Variants in WWOX observed in about 807,000 individuals in gnomAD.
WWOX encodes the protein WW domain-containing oxidoreductase.
A neutral mutation model predicts 46.2 loss-of-function variants in WWOX; 69 were observed. That is an observed-to-expected ratio of 1.49 (90% CI 1.23 to 1.82). WWOX has a LOEUF of 1.82. WWOX is among the 40% of genes most tolerant of loss of function. The pLI, the probability that WWOX is intolerant of heterozygous loss-of-function variation, is 0.00. For missense variants in WWOX, 919 were observed against 542.6 expected, an observed-to-expected ratio of 1.69 and a Z score of -6.89; for synonymous variants, 359 against 202.6, an observed-to-expected ratio of 1.77 and a Z score of -6.56.
At chr16:78,337,517 G>A (rs745878109) in intron 5 of WWOX, among the ~76,000 whole-genome samples, 3 of 152,144 alleles carry the variant, frequency 2.0e-5, no homozygotes, top group Non-Finnish European at 2.9e-5. Flanking sequence ...ATGAGGGGCT[G>A]CTGCTTGTGT....
At chr16:78,969,658 C>G (rs979551960) in intron 8 of WWOX, among the ~76,000 whole-genome samples, 1 of 151,978 alleles carries the variant, frequency 6.6e-6, no homozygotes, top group Admixed American at 6.6e-5. Flanking sequence ...AAGGGAGTTT[C>G]CTGCAGCTTT....
At chr16:78,854,360 C>G (rs959375932) in intron 8 of WWOX, among the ~76,000 whole-genome samples, 7 of 152,124 alleles carry the variant, frequency 4.6e-5, no homozygotes, top group African/African-American at 1.7e-4. Flanking sequence ...ACCTTTAAGT[C>G]TTTTAGCACC....
chr16:78,990,567 A>G (rs1429990738), intron 8 of WWOX, among the ~76,000 whole-genome samples: 1 of 152,234 alleles, frequency 6.6e-6, no homozygotes, highest in African/African-American at 2.4e-5. Context: ...GGAGCCCCCA[A>G]AGCCCCAGGG....
chr16:78,613,532 C>T (rs2045949030), intron 8 of WWOX, among the ~76,000 whole-genome samples: 1 of 152,158 alleles, frequency 6.6e-6, no homozygotes, highest in South Asian at 2.1e-4. Context: ...CTCTACAAAA[C>T]CTGCATGCAA....
intron 8 of WWOX, among the ~76,000 whole-genome samples, chr16:78,874,709 GCTGA>G (rs2044200935): frequency 3.9e-5 from 2 of 51,724 alleles, no homozygotes; most frequent in South Asian, 5.7e-4. Flanking sequence ...TTTTTTTTTG[GCTGA>G]CTGTCATGAC....
rs186772927 is a variant in WWOX at position 78,359,101 on chromosome 16, C to T, written c.517-27759C>T. Among the ~76,000 whole-genome samples the T allele has an allele frequency of 2.6e-5, 4 of 152,140 alleles. No homozygotes were observed. In the East Asian group the frequency reaches 7.7e-4, roughly 29 times the overall value. ...AAATAGATAATGCTTGAGAAAGCTT[C>T]TTCCCATATATACTCTTTCTGTAGC... is the stretch of plus-strand genomic sequence containing the variant. On this transcript the variant is annotated intron_variant, in intron 5 of 8. Coordinates refer to ENST00000566780, the MANE Select transcript of WWOX (RefSeq NM_016373.4).
At chr16:79,148,874 T>G (rs1367227492) in intron 8 of WWOX, among the ~76,000 whole-genome samples, 2 of 151,962 alleles carry the variant, frequency 1.3e-5, no homozygotes, top group Non-Finnish European at 2.9e-5. Flanking sequence ...TCCTATGAGC[T>G]TGCTGATTGC....
At chr16:78,932,621 C>T (rs760125582) in intron 8 of WWOX, among the ~76,000 whole-genome samples, 1 of 152,222 alleles carries the variant, frequency 6.6e-6, no homozygotes, top group African/African-American at 2.4e-5. Context: ...AATTGCTGAC[C>T]TCCCTGAAAG....
chr16:78,680,427 G>T (rs973692158), intron 8 of WWOX, among the ~76,000 whole-genome samples: 1 of 151,852 alleles, frequency 6.6e-6, no homozygotes, highest in Non-Finnish European at 1.5e-5. Flanking sequence ...CTAGCTACTC[G>T]GGAGGCTGAG....
At chr16:78,228,443 G>C (rs148119880) in intron 5 of WWOX, among the ~76,000 whole-genome samples, 1,882 of 149,506 alleles carry the variant, frequency 0.013, 23 homozygotes, top group African/African-American at 0.026. Context: ...CTGGGTTCAA[G>C]AGATCCTCCC....
chr16:78,882,051 G>T lies in WWOX; in HGVS notation c.1057-329557G>T, dbSNP rs571481023. ...TGAGGCAGGATAATTGCTTGAGCCC[G>T]GGAGACGGAGGTTGCAGCGAGCCGA... is the stretch of plus-strand genomic sequence containing the variant. On this transcript the variant is annotated intron_variant, in intron 8 of 8. Coordinates refer to ENST00000566780, the MANE Select transcript of WWOX (RefSeq NM_016373.4). Among the ~76,000 whole-genome samples, 7 of 149,950 alleles carry T rather than the reference G, an allele frequency of 4.7e-5. No homozygotes were observed. In the South Asian group the frequency reaches 1.5e-3, roughly 32 times the overall value.
intron 8 of WWOX, among the ~76,000 whole-genome samples, chr16:78,914,677 A>T (rs1483698430): frequency 6.6e-6 from 1 of 151,730 alleles, no homozygotes; most frequent in Non-Finnish European, 1.5e-5. Flanking sequence ...CAGGAGATCC[A>T]GACTATCCTG....
intron 8 of WWOX, among the ~76,000 whole-genome samples, chr16:79,044,850 T>G (rs1168914649): frequency 6.6e-6 from 1 of 152,184 alleles, no homozygotes; most frequent in Admixed American, 6.5e-5. Context: ...TCTGTGACCC[T>G]GTAAAGTCAC....
chr16:78,336,713 A>T (rs915037876), intron 5 of WWOX, among the ~76,000 whole-genome samples: 2 of 152,194 alleles, frequency 1.3e-5, no homozygotes, highest in Non-Finnish European at 1.5e-5. Flanking sequence ...TAATTTTTTT[A>T]AAAATTAGAG....
intron 8 of WWOX, among the ~76,000 whole-genome samples, chr16:78,687,090 ATTTT>A (rs34855242): frequency 1.9e-4 from 29 of 151,484 alleles, no homozygotes; most frequent in African/African-American, 6.8e-4. Context: ...TTTAAAACAC[ATTTT>A]TTTTTCCAAT....
At chr16:78,187,150 G>C (rs1450433015) in intron 5 of WWOX, among the ~76,000 whole-genome samples, 1 of 152,160 alleles carries the variant, frequency 6.6e-6, no homozygotes, top group Non-Finnish European at 1.5e-5. Context: ...ATCTTAACCA[G>C]GTTAACTGAG....
intron 8 of WWOX, among the ~76,000 whole-genome samples, chr16:79,124,382 G>A (rs145876858): frequency 6.6e-6 from 1 of 152,116 alleles, no homozygotes; most frequent in South Asian, 2.1e-4. Flanking sequence ...GGAAACCATA[G>A]AGAAGTATAA....
chr16:78,372,164 G>C (rs72796038), intron 5 of WWOX, among the ~76,000 whole-genome samples: 2 of 152,248 alleles, frequency 1.3e-5, no homozygotes, highest in South Asian at 4.1e-4. Flanking sequence ...CTCCATTACA[G>C]TTCTCACATC....
chr16:78,774,280 AATCCCAGCT>A (rs2050133730), intron 8 of WWOX, among the ~76,000 whole-genome samples: 1 of 152,170 alleles, frequency 6.6e-6, no homozygotes, highest in South Asian at 2.1e-4. Flanking sequence ...AGGCGCCTGT[AATCCCAGCT>A]ACTCAGGAGG....
Sources: allele counts gnomAD v4.1 joint callset (sites outside exome capture counted in the v4.1 genomes callset), GRCh38; gene constraint gnomAD v4.1.1; transcripts MANE v1.5; gene names NCBI Gene and HGNC (gene_info 2026-07-23, HGNC 2026-07-21).